FGF13: variants seen among roughly 807,000 people sequenced by gnomAD.
FGF13 encodes the protein fibroblast growth factor 13.
A neutral mutation model predicts 19.5 loss-of-function variants in FGF13; 2 were observed. That is an observed-to-expected ratio of 0.10 (90% confidence interval 0.04 to 0.32). FGF13 has a LOEUF of 0.32. FGF13 is among the 10% of genes least tolerant of loss of function. The pLI is 1.00. For synonymous variants in FGF13, 72 were observed against 76.9 expected, an observed-to-expected ratio of 0.94 and a Z score of 0.33; for missense variants, 113 against 192.7, an observed-to-expected ratio of 0.59 and a Z score of 2.45.
At position 138,857,827 on chromosome X, in the gene FGF13, T is replaced by C. The variant is rs781660090; in HGVS notation, c.-38-148A>G. 7.6e-4 allele frequency: 342 copies of C among 450,251 alleles called. 4 individuals carry two copies. In the East Asian group the frequency reaches 0.014, roughly 18 times the overall value. The allele number at this position is 450,251 out of a possible 1,213,427, so 37.1% of individuals were successfully genotyped here. ...AAAAACATCTAATAGCTTGGCGATTTTATTTTAATGGGCTTAGTTTAAAAT... is the reference window on the plus strand; with the variant it reads ...AAAAACATCTAATAGCTTGGCGATTCTATTTTAATGGGCTTAGTTTAAAAT... On this transcript the variant is annotated intron_variant, in intron 2 of 2. Transcript: ENST00000421460.
intron 1 of FGF13, among the ~76,000 whole-genome samples, chrX:139,040,059 T>G (rs6635764): frequency 0.01 from 1,157 of 112,454 alleles, 14 homozygotes; most frequent in African/African-American, 0.036. Flanking sequence ...AACCCTAATG[T>G]TCACCAACGT....
intron 1 of FGF13, among the ~76,000 whole-genome samples, chrX:138,933,471 A>C (rs1238733069): frequency 1.8e-5 from 2 of 110,656 alleles, no homozygotes. Context: ...TGTGTCCCCC[A>C]CTCTAAACAC....
At chrX:138,773,482 C>G (rs950322020) in intron 3 of FGF13, among the ~76,000 whole-genome samples, 7 of 112,184 alleles carry the variant, frequency 6.2e-5, no homozygotes, top group African/African-American at 2.3e-4. Flanking sequence ...ACACTCATGA[C>G]TACAGCCCAT....
At position 138,631,663 on chromosome X, in the gene FGF13, G is replaced by A. The variant is rs2089117432; in HGVS notation, c.*1187C>T. The A allele has an allele frequency of 8.9e-6, 1 of 112,326 alleles. No homozygotes were observed. Among genetic ancestry groups the A allele is most frequent in the South Asian group, 3.7e-4 (1 of 2,708 alleles). The allele number at this position is 112,326 out of a possible 1,213,427, so 9.3% of individuals were successfully genotyped here. On this transcript the variant is annotated 3_prime_UTR_variant, in exon 5 of 5. Coordinates refer to ENST00000315930, the MANE Select transcript of FGF13 (RefSeq NM_004114.5). ...AACTTTTTTAAACTTTTTGTGCACA[G>A]GACAGAAAACTGCCTGTACATGCTA...
chrX:138,702,725 A>G (rs2089959119), intron 3 of FGF13, among the ~76,000 whole-genome samples: 1 of 112,435 alleles, frequency 8.9e-6, no homozygotes, highest in Non-Finnish European at 1.9e-5. Flanking sequence ...TATATGCTAC[A>G]TAAGATGACC....
chrX:138,892,197 T>C (rs933157844), intron 1 of FGF13, among the ~76,000 whole-genome samples: 1 of 111,279 alleles, frequency 9.0e-6, no homozygotes, highest in Admixed American at 9.6e-5. Context: ...AGTGCTGAAT[T>C]CATACAATAA....
chrX:139,115,860 T>C (rs1210426139), intron 1 of FGF13, among the ~76,000 whole-genome samples: 1 of 112,893 alleles, frequency 8.9e-6, no homozygotes, highest in African/African-American at 3.2e-5. Flanking sequence ...CACCATCTTG[T>C]AGCATGTGCC....
At chrX:138,738,536 G>A (rs2090296680) in intron 1 of FGF13, among the ~76,000 whole-genome samples, 1 of 111,606 alleles carries the variant, frequency 9.0e-6, no homozygotes. Context: ...GAAACTGGTC[G>A]CTCCGGCAAC....
At position 138,892,115 on chromosome X, in the gene FGF13, GTCTTA is replaced by G. The variant is rs764757958; in HGVS notation, c.-112-27470_-112-27466del. Among the ~76,000 whole-genome samples the G allele has an allele frequency of 3.6e-5, 4 of 110,081 alleles. No individual in the cohort carries two copies. In the South Asian group the frequency reaches 1.2e-3, roughly 32 times the overall value. On this transcript the variant is annotated intron_variant, in intron 1 of 2. Coordinates refer to the FGF13 transcript ENST00000421460. The stretch of plus-strand genomic sequence containing the variant: ...CAGGGAAATAAGAGTTGATGTCCAA[GTCTTA>G]TCTTCCCATCTAGAGTGCAAGCACT...
chrX:138,939,649 T>C (rs1422271094), intron 1 of FGF13, among the ~76,000 whole-genome samples: 2 of 111,599 alleles, frequency 1.8e-5, no homozygotes, highest in Non-Finnish European at 3.8e-5. Flanking sequence ...TAGCTCCCAC[T>C]TATAAGTGAG....
chrX:138,933,585 G>C (rs1400370834), intron 1 of FGF13, among the ~76,000 whole-genome samples: 1 of 112,356 alleles, frequency 8.9e-6, no homozygotes, highest in African/African-American at 3.2e-5. Context: ...TAACTAACTT[G>C]AGAAGGAGGT....
intron 1 of FGF13, among the ~76,000 whole-genome samples, chrX:139,033,961 G>C (rs1461113903): frequency 8.9e-6 from 1 of 111,756 alleles, no homozygotes; most frequent in East Asian, 2.8e-4. Context: ...GAAAAGTAAT[G>C]TCCAGCTACA....
chrX:138,966,247 C>T (rs2091894554), intron 1 of FGF13, among the ~76,000 whole-genome samples: 1 of 111,624 alleles, frequency 9.0e-6, no homozygotes, highest in Non-Finnish European at 1.9e-5. Context: ...TCCTTCAGAC[C>T]CCAGAATGGT....
At chrX:139,147,314 C>T (rs1320969908) in intron 1 of FGF13, among the ~76,000 whole-genome samples, 2 of 110,233 alleles carry the variant, frequency 1.8e-5, no homozygotes, top group Non-Finnish European at 3.8e-5. Context: ...CGATTTCCTC[C>T]GTGTTCCATC....
chrX:139,037,838 G>A (rs1051373543), intron 1 of FGF13, among the ~76,000 whole-genome samples: 2 of 111,929 alleles, frequency 1.8e-5, no homozygotes, highest in African/African-American at 3.2e-5. Flanking sequence ...GGACATCTTC[G>A]GGGAAGGCAT....
chrX:139,153,555 C>T (rs988594258), intron 1 of FGF13, among the ~76,000 whole-genome samples: 1 of 110,720 alleles, frequency 9.0e-6, no homozygotes, highest in African/African-American at 3.3e-5. Flanking sequence ...TCAACTCATT[C>T]CTGTGCCACT....
At chrX:138,732,800 G>A (rs990078650) in intron 1 of FGF13, among the ~76,000 whole-genome samples, 3 of 111,116 alleles carry the variant, frequency 2.7e-5, no homozygotes, top group Admixed American at 9.6e-5. Context: ...ATGGATGGGC[G>A]AGGGGACGAC....
intron 1 of FGF13, among the ~76,000 whole-genome samples, chrX:138,874,813 C>A (rs2091378812): frequency 9.0e-6 from 1 of 111,612 alleles, no homozygotes; most frequent in Non-Finnish European, 1.9e-5. Flanking sequence ...ATACTTAGGT[C>A]AGTCCTAATG....
intron 1 of FGF13, among the ~76,000 whole-genome samples, chrX:139,118,349 T>G (rs2083653894): frequency 8.9e-6 from 1 of 111,834 alleles, no homozygotes; most frequent in Admixed American, 9.5e-5. Flanking sequence ...TCATCATAAG[T>G]TAAGGAGCTT....
Sources: allele counts gnomAD v4.1 joint callset (sites outside exome capture counted in the v4.1 genomes callset), GRCh38; gene constraint gnomAD v4.1.1; transcripts MANE v1.5; gene names NCBI Gene and HGNC (gene_info 2026-07-23, HGNC 2026-07-21).